Variants in FBXO11 observed in about 807,000 individuals in gnomAD.
FBXO11 encodes F-box protein 11, also known as F-box only protein 11.
Under a neutral mutation model 117.0 loss-of-function variants are expected in FBXO11, and 13 were observed. The observed-to-expected ratio is 0.11, with a 90% CI of 0.07 to 0.18. FBXO11 has a LOEUF of 0.18. FBXO11 is among the 10% of genes least tolerant of loss of function. The probability of loss-of-function intolerance (pLI) is 1.00; values close to 1 mark genes in which losing one functional copy is unlikely to be tolerated. For synonymous variants in FBXO11, 490 were observed against 380.5 expected, an observed-to-expected ratio of 1.29 and a Z score of -3.35; for missense variants, 767 against 1,164.4, an observed-to-expected ratio of 0.66 and a Z score of 4.97.
intron 1 of FBXO11, among the ~76,000 whole-genome samples, chr2:47,863,523 A>G (rs1343673015): frequency 1.3e-5 from 2 of 152,228 alleles, no homozygotes; most frequent in South Asian, 2.1e-4. Context: ...CTCCTAATTT[A>G]TGAAGTACCT....
chr2:47,830,513 T>C (rs948606499), intron 11 of FBXO11, among the ~76,000 whole-genome samples: 2 of 151,962 alleles, frequency 1.3e-5, no homozygotes, highest in African/African-American at 4.8e-5. Context: ...TATAGACCAA[T>C]AACTGTAGGA....
intron 1 of FBXO11, among the ~76,000 whole-genome samples, chr2:47,852,070 C>T (rs1024764199): frequency 6.6e-6 from 1 of 150,730 alleles, no homozygotes; most frequent in African/African-American, 2.4e-5. Flanking sequence ...TGGCTCACTG[C>T]AACCTCCACA....
chr2:47,832,451 C>T lies in FBXO11; in HGVS notation c.1296G>A (p.Ala432=), dbSNP rs900098412. Residue 432 remains alanine (A), a synonymous_variant, in exon 11 of 23, where the codon GCG becomes GCA. Coordinates refer to ENST00000403359, the MANE Select transcript of FBXO11 (RefSeq NM_001190274.2). The part of the protein sequence containing the change: ...IYEDNEISNN[A]LAGIWVKNHG... ...GATTTTTAACCCAAATCCCAGCTAA[C>T]GCATTATTGGAAATTTCATTATCCT... 2.0e-5 allele frequency: 33 copies of T among 1,613,446 alleles called. No homozygotes were observed. The East Asian group carries it at 2.2e-4, about 11-fold the overall frequency.
chr2:47,889,340 T>C (rs1677096046), intron 1 of FBXO11, among the ~76,000 whole-genome samples: 1 of 152,206 alleles, frequency 6.6e-6, no homozygotes. Flanking sequence ...TTACTGATTT[T>C]TCCTTAACCA....
chr2:47,864,482 G>T (rs1037670936), intron 1 of FBXO11, among the ~76,000 whole-genome samples: 1 of 152,198 alleles, frequency 6.6e-6, no homozygotes, highest in Non-Finnish European at 1.5e-5. Context: ...AGCTACTCGG[G>T]AGGCTGAGGC....
At chr2:47,810,654 A>G (rs1670546999) in intron 18 of FBXO11, 5 of 413,680 alleles carry the variant, frequency 1.2e-5, no homozygotes, top group Non-Finnish European at 2.1e-5. Context: ...TGCCATCTCC[A>G]TGATAGCAGG....
chr2:47,841,637 A>AATT (rs959098339), intron 1 of FBXO11, among the ~76,000 whole-genome samples: 30 of 151,988 alleles, frequency 2.0e-4, no homozygotes, highest in South Asian at 8.3e-4. Context: ...TTGGTATTCA[A>AATT]ATTATTATTA....
intron 1 of FBXO11, among the ~76,000 whole-genome samples, chr2:47,849,672 TC>T (rs1368174512): frequency 6.6e-6 from 1 of 152,182 alleles, no homozygotes. Context: ...GAACATCTAA[TC>T]CAATCTTAGA....
intron 1 of FBXO11, among the ~76,000 whole-genome samples, chr2:47,843,928 AC>A (rs1673208354): frequency 6.6e-6 from 1 of 151,916 alleles, no homozygotes; most frequent in African/African-American, 2.4e-5. Context: ...TTTAATAGAG[AC>A]GGGGTTTCAC....
chr2:47,867,409 C>T (rs984059503), intron 1 of FBXO11, among the ~76,000 whole-genome samples: 2 of 152,142 alleles, frequency 1.3e-5, no homozygotes, highest in African/African-American at 4.8e-5. Flanking sequence ...AAATGATTGG[C>T]CTGGAAGTGA....
At chr2:47,833,964 G>A (rs1228756608) in intron 7 of FBXO11, among the ~76,000 whole-genome samples, 1 of 152,066 alleles carries the variant, frequency 6.6e-6, no homozygotes, top group Non-Finnish European at 1.5e-5. Flanking sequence ...CACCACACCT[G>A]GCTGCATCTT....
chr2:47,900,760 G>C (rs1349669521), intron 1 of FBXO11, among the ~76,000 whole-genome samples: 2 of 78,146 alleles, frequency 2.6e-5, no homozygotes, highest in Non-Finnish European at 5.1e-5. Context: ...ATACACACAC[G>C]TGTATATATA....
At chr2:47,818,930 C>T (rs1572776289) in intron 15 of FBXO11, 26 bp downstream of exon 15, 1 of 1,597,094 alleles carries the variant, frequency 6.3e-7, no homozygotes, top group African/African-American at 1.4e-5. Flanking sequence ...ATGTATTTCC[C>T]ATCCAAGAGT....
At chr2:47,865,178 T>C (rs1239450924) in intron 1 of FBXO11, among the ~76,000 whole-genome samples, 1 of 152,196 alleles carries the variant, frequency 6.6e-6, no homozygotes, top group Admixed American at 6.5e-5. Flanking sequence ...TGTATCTTTG[T>C]GACAGAAACT....
At chr2:47,881,991 G>A (rs1166763662) in intron 1 of FBXO11, among the ~76,000 whole-genome samples, 10 of 152,086 alleles carry the variant, frequency 6.6e-5, no homozygotes, top group African/African-American at 9.7e-5. Flanking sequence ...CAAGTGATCT[G>A]CCTATTTTGG....
intron 1 of FBXO11, among the ~76,000 whole-genome samples, chr2:47,847,732 C>A (rs1299286966): frequency 2.7e-5 from 4 of 150,716 alleles, no homozygotes; most frequent in East Asian, 4.0e-4. Context: ...AATATGGTAT[C>A]ATAATTTTTT....
rs1252432211 is a variant in FBXO11, at chr2:47,807,664, T to A, written c.*454A>T. 2 of 160,550 alleles carry A rather than the reference T, an allele frequency of 1.2e-5. No homozygotes were observed. Among genetic ancestry groups the A allele is most frequent in the African/African-American group, 7.5e-5 (2 of 26,526 alleles). 9.9% of individuals were successfully genotyped at this position (160,550 alleles called of 1,614,324 possible). A position where few individuals can be genotyped will look rare whatever the true frequency, so the allele number is the denominator to read the frequency against. ...AATCATATTTCTCAATCTGAATACA[T>A]GTTAAAAAAAAAAAATCAAAAGGAA... On this transcript the variant is annotated 3_prime_UTR_variant, in exon 23 of 23. Transcript: ENST00000403359.
In FBXO11 at chr2:47,905,628, C is replaced by CGGCTGCTGCGGG. The variant is rs1277550558; in HGVS notation, c.81_92dup (p.Gln29_Pro32dup). The CGGCTGCTGCGGG allele has an allele frequency of 1.1e-5, 15 of 1,389,624 alleles. No homozygotes were observed. In the South Asian group the frequency reaches 1.1e-4, roughly 10 times the overall value. 86.1% of individuals were successfully genotyped at this position (1,389,624 alleles called of 1,614,324 possible). ...GCTGCTGCTGGGGCGGCTGCGGCGG[C>CGGCTGCTGCGGG]GGCTGCTGCGGGGGCTGCTGCTGCT... is the stretch of plus-strand genomic sequence containing the variant. On this transcript the variant is annotated inframe_insertion, in exon 1 of 23. Coordinates refer to ENST00000403359, the MANE Select transcript of FBXO11 (RefSeq NM_001190274.2).
intron 1 of FBXO11, among the ~76,000 whole-genome samples, chr2:47,893,403 G>C (rs1432012425): frequency 6.6e-6 from 1 of 152,092 alleles, no homozygotes; most frequent in Non-Finnish European, 1.5e-5. Context: ...AAACAGATCT[G>C]TGTATCTCTA....
Sources: allele counts gnomAD v4.1 joint callset (sites outside exome capture counted in the v4.1 genomes callset), GRCh38; gene constraint gnomAD v4.1.1; transcripts MANE v1.5; gene names NCBI Gene and HGNC (gene_info 2026-07-23, HGNC 2026-07-21).